Variants in MROH9 observed in about 807,000 individuals in gnomAD.
MROH9 encodes maestro heat like repeat family member 9, also known as maestro heat-like repeat-containing protein family member 9.
MROH9 carries 92 observed loss-of-function variants against 98.2 expected under a neutral mutation model. That is an observed-to-expected ratio of 0.94 (90% confidence interval 0.79 to 1.11). The LOEUF is 1.11. Ranked by LOEUF, MROH9 falls within the 50% of genes most tolerant of loss-of-function variation. MROH9 has a pLI of 0.00. For synonymous variants in MROH9, 397 were observed against 368.9 expected (o/e 1.08, Z -0.87); for missense variants, 1,057 against 1,014.8 (o/e 1.04, Z -0.57).
intron 20 of MROH9, among the ~76,000 whole-genome samples, chr1:171,032,471 TTTG>T (rs1557906434): frequency 6.6e-6 from 1 of 152,148 alleles, no homozygotes; most frequent in East Asian, 1.9e-4. Context: ...TGGGGGCTTT[TTTG>T]TTGTTGTTTT....
intron 15 of MROH9, among the ~76,000 whole-genome samples, chr1:171,002,173 GT>G (rs1346948128): frequency 6.6e-6 from 1 of 152,188 alleles, no homozygotes; most frequent in Non-Finnish European, 1.5e-5. Flanking sequence ...CAGATAGTTG[GT>G]TGGTGAGTTC....
At position 170,990,010 on chromosome 1, in the gene MROH9, C is replaced by T. The variant is rs1420193199; in HGVS notation, c.1028+7C>T. The T allele has an allele frequency of 3.7e-6, 6 of 1,606,370 alleles. No homozygotes were observed. The highest frequency in any genetic ancestry group is 5.1e-6 in the Non-Finnish European group (6 of 1,174,962). The stretch of plus-strand genomic sequence containing the variant: ...ACCCAGTTCCAGCAGACGAGTAAGG[C>T]CCCCCAACCCTCTGTCCCTTCCACA... On this transcript the variant is annotated splice_region_variant and intron_variant, in intron 11 of 21. Coordinates refer to ENST00000367759, the MANE Select transcript of MROH9 (RefSeq NM_001163629.2).
At chr1:170,971,495 G>A (rs1650454510) in intron 7 of MROH9, among the ~76,000 whole-genome samples, 1 of 152,104 alleles carries the variant, frequency 6.6e-6, no homozygotes, top group Non-Finnish European at 1.5e-5. Flanking sequence ...ACTTTCCTAG[G>A]AATTTTTCTT....
At chr1:170,947,787 A>AC (rs1422651065) in intron 3 of MROH9, among the ~76,000 whole-genome samples, 1 of 151,918 alleles carries the variant, frequency 6.6e-6, no homozygotes, top group Non-Finnish European at 1.5e-5. Context: ...CCTGAAAATG[A>AC]CCTTCAGCAC....
chr1:170,989,842 A>T lies in MROH9; in HGVS notation c.880-13A>T, dbSNP rs1287667475. 1 of 1,585,844 alleles carries T rather than the reference A, an allele frequency of 6.3e-7. No homozygotes were observed. Among genetic ancestry groups the T allele is most frequent in the Admixed American group, 1.7e-5 (1 of 59,366 alleles). On this transcript the variant is annotated splice_polypyrimidine_tract_variant and intron_variant, in intron 10 of 21. Transcript: ENST00000367759. ...CAGGAGATTCTTGTTTACCTGTGGA[A>T]TTTCTCTTCCAGGTGTCTAAGATCG... is the stretch of plus-strand genomic sequence containing the variant.
At chr1:171,028,026 G>T (rs1421724748) in intron 20 of MROH9, among the ~76,000 whole-genome samples, 1 of 152,100 alleles carries the variant, frequency 6.6e-6, no homozygotes, top group South Asian at 2.1e-4. Flanking sequence ...TGCAGAAGCT[G>T]TTTAATTTAA....
chr1:171,045,113 C>T (rs747285673), intron 20 of MROH9, among the ~76,000 whole-genome samples: 6 of 148,928 alleles, frequency 4.0e-5, no homozygotes. Context: ...GCCATTCTCC[C>T]GCCTCAGCCT....
At position 171,064,557 on chromosome 1, in the gene MROH9, A is replaced by G; in HGVS notation, c.*217A>G. On this transcript the variant is annotated 3_prime_UTR_variant, in exon 22 of 22. Coordinates refer to ENST00000367759, the MANE Select transcript of MROH9 (RefSeq NM_001163629.2). ...GAGAACTAGTGCCTCTGTATGTCTGACAGTGATCAGAAGCCCTATTTCATC... is the reference window on the plus strand; with the variant it reads ...GAGAACTAGTGCCTCTGTATGTCTGGCAGTGATCAGAAGCCCTATTTCATC... 2.2e-6 allele frequency: 1 copy of G among 463,134 alleles called. No individual in the cohort carries two copies. The highest frequency in any genetic ancestry group is 4.0e-5 in the South Asian group (1 of 24,974). 28.7% of individuals were successfully genotyped at this position (463,134 alleles called of 1,614,324 possible). A position where few individuals can be genotyped will look rare whatever the true frequency, so the allele number is the denominator to read the frequency against.
chr1:171,041,724 T>C (rs980311340), intron 20 of MROH9, among the ~76,000 whole-genome samples: 2 of 151,970 alleles, frequency 1.3e-5, no homozygotes, highest in African/African-American at 2.4e-5. Context: ...TGTAACTTCA[T>C]CAACATTTGT....
At chr1:170,974,212 G>T (rs1394356309) in intron 8 of MROH9, among the ~76,000 whole-genome samples, 1 of 152,086 alleles carries the variant, frequency 6.6e-6, no homozygotes, top group African/African-American at 2.4e-5. Context: ...TATTTTATTT[G>T]AGTCTCTGAA....
rs1652652399 is a variant in MROH9, at chr1:171,024,755, G to A, written c.2168G>A (p.Cys723Tyr). 6.5e-7 allele frequency: 1 copy of A among 1,542,240 alleles called. No individual in the cohort carries two copies. The highest frequency in any genetic ancestry group is 1.4e-5 in the African/African-American group (1 of 72,892). Residue 723 changes from cysteine to tyrosine, a missense_variant, in exon 19 of 22, where the codon TGT becomes TAT. Cys to Tyr is a radical substitution (Grantham distance 194). Transcript: ENST00000367759. Reference sequence around the variant, plus strand: ...TTTGAGATGGTGGTGCTCAATATCTGTAACAATCTTGTAAGTGGCCCTTCC... The same window carrying A: ...TTTGAGATGGTGGTGCTCAATATCTATAACAATCTTGTAAGTGGCCCTTCC... ...YSFEMVVLNICNNLIISHRNY... is the reference protein window; with the variant it reads ...YSFEMVVLNIYNNLIISHRNY...
At chr1:170,974,398 A>G (rs115849051) in intron 8 of MROH9, among the ~76,000 whole-genome samples, 100 of 152,260 alleles carry the variant, frequency 6.6e-4, no homozygotes, top group African/African-American at 2.2e-3. Context: ...TAAAGAAAAA[A>G]ATCTTAAAAG....
At chr1:170,963,156 A>G (rs944516092) in intron 6 of MROH9, among the ~76,000 whole-genome samples, 1 of 152,128 alleles carries the variant, frequency 6.6e-6, no homozygotes, top group Admixed American at 6.5e-5. Flanking sequence ...ACTCCATTAC[A>G]AAGTGGGCAA....
At chr1:171,038,765 C>T (rs547095557) in intron 20 of MROH9, among the ~76,000 whole-genome samples, 2 of 152,212 alleles carry the variant, frequency 1.3e-5, no homozygotes, top group Admixed American at 6.5e-5. Flanking sequence ...TCATAATGAC[C>T]AGAACTGTCA....
intron 6 of MROH9, 117 bp from the exon 7 acceptor site, chr1:170,965,034 T>G (rs1650175820): frequency 3.2e-6 from 2 of 622,280 alleles, no homozygotes; most frequent in Non-Finnish European, 5.8e-6. Flanking sequence ...GTAGGTTAAG[T>G]GTGAAATAAC....
At chr1:170,970,038 A>T (rs1487317656) in intron 7 of MROH9, among the ~76,000 whole-genome samples, 1 of 152,080 alleles carries the variant, frequency 6.6e-6, no homozygotes, top group Non-Finnish European at 1.5e-5. Flanking sequence ...CAGTAAGTGG[A>T]TATGCAGTCT....
chr1:170,989,084 A>G (rs1000226289), intron 10 of MROH9, among the ~76,000 whole-genome samples: 2 of 152,194 alleles, frequency 1.3e-5, no homozygotes, highest in African/African-American at 4.8e-5. Context: ...TGAACTGTAT[A>G]TGATGTAACT....
chr1:171,055,757 T>C (rs551959910), intron 20 of MROH9, among the ~76,000 whole-genome samples: 20 of 152,106 alleles, frequency 1.3e-4, no homozygotes, highest in African/African-American at 4.1e-4. Context: ...GAGGCTTCCA[T>C]TGAAAAGAAC....
At chr1:171,017,209 C>T (rs1652353591) in intron 17 of MROH9, among the ~76,000 whole-genome samples, 1 of 152,180 alleles carries the variant, frequency 6.6e-6, no homozygotes, top group Non-Finnish European at 1.5e-5. Context: ...ATGCAAATCC[C>T]AAACAGCATG....
Sources: gnomAD v4.1 joint callset for allele counts (sites outside exome capture counted in the v4.1 genomes callset) on GRCh38, gnomAD v4.1.1 for gene constraint, MANE v1.5 for transcripts, NCBI Gene and HGNC (gene_info 2026-07-23, HGNC 2026-07-21) for gene names.